Variants in CCDC91 observed in about 807,000 individuals in gnomAD.
The protein encoded by CCDC91 is coiled-coil domain-containing protein 91.
A neutral mutation model predicts 63.2 loss-of-function variants in CCDC91; 48 were observed. That is an observed-to-expected ratio of 0.76 (90% CI 0.60 to 0.97). The LOEUF (loss-of-function observed/expected upper bound fraction) is 0.97, where lower values mean the gene tolerates loss of function less well. Ranked by LOEUF, CCDC91 falls within the 50% of genes least tolerant of loss-of-function variation. The pLI is 0.00. For synonymous variants in CCDC91, 167 were observed against 165.8 expected (o/e 1.01, Z -0.06); for missense variants, 500 against 494.6 (o/e 1.01, Z -0.10).
At chr12:28,378,546 C>A (rs1250623679) in intron 7 of CCDC91, among the ~76,000 whole-genome samples, 2 of 151,998 alleles carry the variant, frequency 1.3e-5, no homozygotes, top group Non-Finnish European at 2.9e-5. Flanking sequence ...TTGGATATTG[C>A]TAAGTTTTTG....
chr12:28,379,083 G>A (rs1298564739), intron 7 of CCDC91, among the ~76,000 whole-genome samples: 1 of 151,972 alleles, frequency 6.6e-6, no homozygotes, highest in Non-Finnish European at 1.5e-5. Flanking sequence ...GGAATGAAGA[G>A]GAAACCTTCA....
intron 12 of CCDC91, among the ~76,000 whole-genome samples, chr12:28,488,590 A>G (rs1167501850): frequency 2.6e-5 from 4 of 151,836 alleles, no homozygotes; most frequent in Non-Finnish European, 5.9e-5. Flanking sequence ...GGATCCTTAC[A>G]TTGAATTTAC....
intron 11 of CCDC91, among the ~76,000 whole-genome samples, chr12:28,470,189 CAA>C (rs1566022962): frequency 6.6e-6 from 1 of 151,976 alleles, no homozygotes. Context: ...ACCCATCTGA[CAA>C]GAGATTAATA....
intron 12 of CCDC91, among the ~76,000 whole-genome samples, chr12:28,501,707 C>T (rs564686376): frequency 0.028 from 4,298 of 151,694 alleles, 120 homozygotes; most frequent in African/African-American, 0.071. Flanking sequence ...GGTATCAGGA[C>T]GATGCTGGCC....
At chr12:28,415,587 AT>A (rs1254225900) in intron 8 of CCDC91, among the ~76,000 whole-genome samples, 1 of 152,308 alleles carries the variant, frequency 6.6e-6, no homozygotes, top group African/African-American at 2.4e-5. Context: ...CATGAAAAAA[AT>A]AATTATAAAA....
chr12:28,335,461 G>A (rs573700769), intron 6 of CCDC91, among the ~76,000 whole-genome samples: 11 of 148,674 alleles, frequency 7.4e-5, no homozygotes, highest in Non-Finnish European at 1.2e-4. Flanking sequence ...CTGCTGGAGC[G>A]CAATGGTGTG....
intron 11 of CCDC91, among the ~76,000 whole-genome samples, chr12:28,467,596 A>G (rs192154644): frequency 1.3e-5 from 2 of 152,212 alleles, no homozygotes; most frequent in African/African-American, 4.8e-5. Context: ...AATCTATACT[A>G]TAAAGCAAAT....
intron 1 of CCDC91, among the ~76,000 whole-genome samples, chr12:28,203,046 T>C (rs1473454301): frequency 6.6e-6 from 1 of 152,222 alleles, no homozygotes; most frequent in Non-Finnish European, 1.5e-5. Context: ...TTTCTGGGAA[T>C]GGGGTTTTGG....
At chr12:28,501,548 G>C (rs1937872176) in intron 12 of CCDC91, among the ~76,000 whole-genome samples, 1 of 151,764 alleles carries the variant, frequency 6.6e-6, no homozygotes, top group African/African-American at 2.4e-5. Context: ...TGCATCCCAG[G>C]GATGAAGCCC....
chr12:28,391,170 A>G (rs761805819), intron 7 of CCDC91, 134 bp from the exon 8 acceptor site: 2 of 533,214 alleles, frequency 3.8e-6, no homozygotes, highest in Non-Finnish European at 6.8e-6. Flanking sequence ...GTGCTTCAGT[A>G]TTAACAAATA....
chr12:28,259,151 ATTTTTACT>A (rs1168758844), intron 2 of CCDC91, among the ~76,000 whole-genome samples: 2 of 152,002 alleles, frequency 1.3e-5, no homozygotes, highest in Non-Finnish European at 1.5e-5. Flanking sequence ...TAAGGAAAAA[ATTTTTACT>A]TGAAGTTAAT....
At chr12:28,512,953 T>A (rs1939538149) in intron 12 of CCDC91, among the ~76,000 whole-genome samples, 1 of 151,900 alleles carries the variant, frequency 6.6e-6, no homozygotes, top group East Asian at 1.9e-4. Context: ...GCTGTACTTC[T>A]TTAAGTCTCA....
chr12:28,252,229 A>G (rs1489016004), intron 1 of CCDC91, among the ~76,000 whole-genome samples: 2 of 151,848 alleles, frequency 1.3e-5, no homozygotes, highest in Non-Finnish European at 2.9e-5. Flanking sequence ...CTTTGTCTCT[A>G]CTGTGCCTTG....
At chr12:28,222,178 T>C (rs1192389036) in intron 1 of CCDC91, among the ~76,000 whole-genome samples, 1 of 152,208 alleles carries the variant, frequency 6.6e-6, no homozygotes, top group Non-Finnish European at 1.5e-5. Flanking sequence ...ATCTGGTCTC[T>C]GTGTTTCCAC....
intron 12 of CCDC91, among the ~76,000 whole-genome samples, chr12:28,526,128 A>G (rs2141532021): frequency 1.3e-5 from 2 of 149,988 alleles, no homozygotes; most frequent in Middle Eastern, 3.5e-3. Flanking sequence ...TATTCCATTC[A>G]TCATGCTATT....
intron 3 of CCDC91, among the ~76,000 whole-genome samples, chr12:28,291,549 A>T (rs1396104067): frequency 1.3e-5 from 2 of 152,146 alleles, no homozygotes; most frequent in African/African-American, 4.8e-5. Context: ...CCAACCAGTG[A>T]CCATGAACTT....
At chr12:28,340,016 C>T (rs1222712860) in intron 6 of CCDC91, among the ~76,000 whole-genome samples, 3 of 151,974 alleles carry the variant, frequency 2.0e-5, no homozygotes. Flanking sequence ...GTATATAGTA[C>T]CAGTGGTTGC....
chr12:28,494,108 T>C (rs979390513), intron 12 of CCDC91, among the ~76,000 whole-genome samples: 14 of 151,736 alleles, frequency 9.2e-5, no homozygotes, highest in Non-Finnish European at 1.5e-4. Flanking sequence ...CTGATGACTT[T>C]GTTCCAAAAC....
intron 6 of CCDC91, among the ~76,000 whole-genome samples, chr12:28,316,942 G>A (rs1389862710): frequency 6.6e-6 from 1 of 151,624 alleles, no homozygotes; most frequent in Non-Finnish European, 1.5e-5. Context: ...AGAGTTTTTT[G>A]GGCCCACTGA....
Sources: gnomAD v4.1 joint callset for allele counts (sites outside exome capture counted in the v4.1 genomes callset) on GRCh38, gnomAD v4.1.1 for gene constraint, MANE v1.5 for transcripts, NCBI Gene and HGNC (gene_info 2026-07-23, HGNC 2026-07-21) for gene names.